Variants in CACNB2 observed in about 807,000 individuals in gnomAD.
The protein encoded by CACNB2 is voltage-dependent L-type calcium channel subunit beta-2.
Under a neutral mutation model 73.3 loss-of-function variants are expected in CACNB2, and 42 were observed. That is an observed-to-expected ratio of 0.57 (90% CI 0.45 to 0.74). The LOEUF (loss-of-function observed/expected upper bound fraction) is 0.74. Among genes scored for constraint, CACNB2 ranks in the 30% least tolerant of loss-of-function variants. The probability of loss-of-function intolerance (pLI) is 0.00; values close to 1 mark genes in which losing one functional copy is unlikely to be tolerated. For synonymous variants in CACNB2, 348 were observed against 310.3 expected (o/e 1.12, Z -1.28); for missense variants, 940 against 853.0 (o/e 1.10, Z -1.27).
At chr10:18,169,945 C>T (rs1233218254) in intron 2 of CACNB2, among the ~76,000 whole-genome samples, 1 of 152,194 alleles carries the variant, frequency 6.6e-6, no homozygotes, top group Non-Finnish European at 1.5e-5. Flanking sequence ...TGATGTCTTT[C>T]CATCTCTGGC....
intron 3 of CACNB2, among the ~76,000 whole-genome samples, chr10:18,464,422 A>C (rs756740073): frequency 7.6e-6 from 1 of 130,950 alleles, no homozygotes; most frequent in African/African-American, 3.8e-5. Flanking sequence ...AAAAATTAAA[A>C]AAAAAAAAAA....
intron 2 of CACNB2, among the ~76,000 whole-genome samples, chr10:18,378,156 T>C (rs7913836): frequency 0.55 from 83,750 of 151,966 alleles, 23,620 homozygotes; most frequent in East Asian, 0.91. Flanking sequence ...GACACGCAAC[T>C]GATAATTATA....
chr10:18,210,844 A>G (rs2035288183), intron 2 of CACNB2, among the ~76,000 whole-genome samples: 1 of 152,210 alleles, frequency 6.6e-6, no homozygotes, highest in Non-Finnish European at 1.5e-5. Context: ...CATTATGGAA[A>G]GTGGAGTGGT....
chr10:18,529,110 T>G (rs1233274439), intron 10 of CACNB2, among the ~76,000 whole-genome samples: 2 of 152,240 alleles, frequency 1.3e-5, no homozygotes, highest in Non-Finnish European at 2.9e-5. Flanking sequence ...ACTATAGGTA[T>G]GAGCCACTGT....
intron 2 of CACNB2, among the ~76,000 whole-genome samples, chr10:18,285,363 G>C (rs2038741673): frequency 6.6e-6 from 1 of 152,164 alleles, no homozygotes; most frequent in African/African-American, 2.4e-5. Flanking sequence ...CAGAAAACAA[G>C]CTGTGAGAAG....
chr10:18,191,300 G>A (rs1811823882), intron 2 of CACNB2, among the ~76,000 whole-genome samples: 1 of 152,190 alleles, frequency 6.6e-6, no homozygotes, highest in Non-Finnish European at 1.5e-5. Flanking sequence ...TTTGTCCCAT[G>A]ACACAGAGCT....
intron 2 of CACNB2, among the ~76,000 whole-genome samples, chr10:18,165,759 C>G (rs958134440): frequency 2.8e-4 from 42 of 152,150 alleles, no homozygotes; most frequent in African/African-American, 1.0e-3. Flanking sequence ...AGTAGTCTAT[C>G]CCAGTAAACA....
chr10:18,315,526 A>AAAAC lies in CACNB2; in HGVS notation c.214-86396_214-86395insACAA, dbSNP rs1554791257. Among the ~76,000 whole-genome samples the AAAAC allele has an allele frequency of 1.9e-3, 227 of 121,890 alleles. 9 individuals are homozygous for AAAAC. The highest frequency in any genetic ancestry group is 2.6e-3 in the Non-Finnish European group (146 of 55,844). 80.0% of individuals were successfully genotyped at this position (121,890 alleles called of 152,430 possible). On this transcript the variant is annotated intron_variant, in intron 2 of 13. Transcript: ENST00000324631. ...AAAAAAAAAAAAAAAAAAAAAAAAA[A>AAAAC]AACTTTTTTTTTTTTTAATTAGCCA...
intron 2 of CACNB2, among the ~76,000 whole-genome samples, chr10:18,294,816 T>C (rs1217398985): frequency 6.6e-6 from 1 of 152,198 alleles, no homozygotes; most frequent in African/African-American, 2.4e-5. Context: ...TTGTATGTAT[T>C]TGCATATCTT....
intron 9 of CACNB2, among the ~76,000 whole-genome samples, 190 bp from the exon 10 acceptor site, chr10:18,527,398 A>C (rs1314617479): frequency 6.6e-6 from 1 of 152,204 alleles, no homozygotes; most frequent in Non-Finnish European, 1.5e-5. Flanking sequence ...AAAACAAAGT[A>C]AGGCAGGTGC....
At chr10:18,412,125 C>T (rs777268531) in intron 3 of CACNB2, among the ~76,000 whole-genome samples, 2 of 152,130 alleles carry the variant, frequency 1.3e-5, no homozygotes, top group African/African-American at 2.4e-5. Context: ...GGCTAGGGTT[C>T]GCATGCTGGT....
intron 3 of CACNB2, among the ~76,000 whole-genome samples, chr10:18,434,775 A>C (rs1670919076): frequency 6.6e-6 from 1 of 152,102 alleles, no homozygotes; most frequent in Admixed American, 6.6e-5. Context: ...TTGCATTAGA[A>C]ATTAAAACAG....
chr10:18,217,165 G>C (rs1353435164), intron 2 of CACNB2, among the ~76,000 whole-genome samples: 2 of 152,110 alleles, frequency 1.3e-5, no homozygotes, highest in Admixed American at 1.3e-4. Flanking sequence ...CATTTTGGTT[G>C]GTAGATAAAG....
chr10:18,236,951 A>C (rs2036468889), intron 2 of CACNB2, among the ~76,000 whole-genome samples: 1 of 152,208 alleles, frequency 6.6e-6, no homozygotes, highest in Non-Finnish European at 1.5e-5. Context: ...ACTGCAGAGA[A>C]TTATGTTCAT....
At chr10:18,281,929 G>C (rs1052864986) in intron 2 of CACNB2, among the ~76,000 whole-genome samples, 1 of 141,964 alleles carries the variant, frequency 7.0e-6, no homozygotes, top group Non-Finnish European at 1.5e-5. Flanking sequence ...GCAGTGAGCC[G>C]AGATGGTGCC....
intron 2 of CACNB2, among the ~76,000 whole-genome samples, chr10:18,170,934 T>C (rs2033177284): frequency 6.6e-6 from 1 of 152,216 alleles, no homozygotes; most frequent in African/African-American, 2.4e-5. Context: ...TAATGATAAT[T>C]CTTGCATGGA....
At chr10:18,461,574 G>C (rs1298493932) in intron 3 of CACNB2, among the ~76,000 whole-genome samples, 2 of 151,624 alleles carry the variant, frequency 1.3e-5, no homozygotes, top group Non-Finnish European at 2.9e-5. Flanking sequence ...GAGGGGGTGG[G>C]AGATGGTTTT....
intron 2 of CACNB2, among the ~76,000 whole-genome samples, chr10:18,392,963 C>A (rs866082118): frequency 6.6e-6 from 1 of 152,160 alleles, no homozygotes. Flanking sequence ...AATCCCAGCA[C>A]TTTGGGAGGC....
At chr10:18,227,141 G>A (rs10828327) in intron 2 of CACNB2, among the ~76,000 whole-genome samples, 7,448 of 152,132 alleles carry the variant, frequency 0.049, 527 homozygotes, top group African/African-American at 0.16. Flanking sequence ...GTCGAATATC[G>A]TAATGGGGTC....
Sources: gnomAD v4.1 joint callset for allele counts (sites outside exome capture counted in the v4.1 genomes callset) on GRCh38, gnomAD v4.1.1 for gene constraint, MANE v1.5 for transcripts, NCBI Gene and HGNC (gene_info 2026-07-23, HGNC 2026-07-21) for gene names.